DNAH9: variants seen among roughly 807,000 people sequenced by gnomAD.
The protein encoded by DNAH9 is dynein axonemal heavy chain 9.
In DNAH9, 345 loss-of-function variants were observed where a neutral mutation model predicts 471.6. The ratio of observed to expected loss-of-function variants is 0.73; its 90% CI spans 0.67 to 0.80. The LOEUF (loss-of-function observed/expected upper bound fraction) is 0.80. Among genes scored for constraint, DNAH9 ranks in the 30% least tolerant of loss-of-function variants. The pLI, the probability that DNAH9 is intolerant of heterozygous loss-of-function variation, is 0.00. For synonymous variants in DNAH9, 2,093 were observed against 2,123.6 expected, an observed-to-expected ratio of 0.99 and a Z score of 0.40; for missense variants, 5,407 against 5,609.2, an observed-to-expected ratio of 0.96 and a Z score of 1.15.
In DNAH9 at chr17:11,762,766, T is replaced by G. The variant is rs537269711; in HGVS notation, c.6996-674T>G. Among the ~76,000 whole-genome samples the G allele has an allele frequency of 2.7e-3, 236 of 87,318 alleles. 8 individuals carry two copies. Among genetic ancestry groups the G allele is most frequent in the African/African-American group, 8.5e-3 (210 of 24,754 alleles). The allele number at this position is 87,318 out of a possible 152,430, so 57.3% of individuals were successfully genotyped here. A position where few individuals can be genotyped will look rare whatever the true frequency, so the allele number is the denominator to read the frequency against. ...ATTGCCTCTTTAGGTGCGTTTTTTT[T>G]TTTGTTTTTTTTTTTTTTTTTTTTT... On this transcript the variant is annotated intron_variant, in intron 35 of 68. Coordinates refer to ENST00000262442, the MANE Select transcript of DNAH9 (RefSeq NM_001372.4).
chr17:11,694,052 C>T lies in DNAH9; in HGVS notation c.4745+54C>T, dbSNP rs2074385816. The T allele has an allele frequency of 3.3e-5, 52 of 1,595,584 alleles. No homozygotes were observed. The South Asian group carries it at 5.6e-4, about 17-fold the overall frequency. ...AATAAGAAGGCATCATTTCCTTTTC[C>T]CCATCGTCTCTGAGACCAGTGGGCA... On this transcript the variant is annotated intron_variant, in intron 21 of 68. Coordinates refer to ENST00000262442, the MANE Select transcript of DNAH9 (RefSeq NM_001372.4).
In DNAH9 at chr17:11,615,075, A is replaced by G. The variant is rs187856197; in HGVS notation, c.905-2336A>G. On this transcript the variant is annotated intron_variant, in intron 4 of 68. Transcript: ENST00000262442. ...AGGGCTGCTATATGCATTGTTTTAA[A>G]CCTTGCACCCCCATTCTCCCAAGCA... 2.1e-3 allele frequency among the ~76,000 whole-genome samples: 315 copies of G among 152,196 alleles called. 2 individuals carry two copies. Among genetic ancestry groups the G allele is most frequent in the African/African-American group, 7.1e-3 (297 of 41,540 alleles).
chr17:11,737,550 T>G (rs1267407163), intron 28 of DNAH9, among the ~76,000 whole-genome samples: 1 of 152,208 alleles, frequency 6.6e-6, no homozygotes, highest in Non-Finnish European at 1.5e-5. Context: ...TGGGCTAGCC[T>G]GAAAGTGTGT....
At position 11,859,433 on chromosome 17, in the gene DNAH9, T is replaced by A. The variant is rs560412068; in HGVS notation, c.9933+5005T>A. On this transcript the variant is annotated intron_variant, in intron 50 of 68. Transcript: ENST00000262442. The stretch of plus-strand genomic sequence containing the variant: ...TCTCAAAAAAAAAAAAAAAAAAAAA[T>A]GCAGTTACTTTTGTGCCAATCTAAC... Among the ~76,000 whole-genome samples, 844 of 136,100 alleles carry A rather than the reference T, an allele frequency of 6.2e-3. 8 individuals are homozygous for A. Among genetic ancestry groups the A allele is most frequent in the African/African-American group, 0.021 (755 of 36,510 alleles). 89.3% of individuals were successfully genotyped at this position (136,100 alleles called of 152,430 possible). A position where few individuals can be genotyped will look rare whatever the true frequency, so the allele number is the denominator to read the frequency against.
At chr17:11,899,890 A>G (rs910907012) in intron 59 of DNAH9, among the ~76,000 whole-genome samples, 1 of 152,196 alleles carries the variant, frequency 6.6e-6, no homozygotes, top group African/African-American at 2.4e-5. Context: ...GCTAGGTCTA[A>G]GGCGTACAAA....
intron 35 of DNAH9, among the ~76,000 whole-genome samples, chr17:11,762,770 G>GTTTTTTTTTTTTTTTTTTTTT (rs563544881): frequency 7.7e-5 from 7 of 90,784 alleles, no homozygotes; most frequent in Non-Finnish European, 1.3e-4. Context: ...TTTTTTTTTT[G>GTTTTTTTTTTTTTTTTTTTTT]TTTTTTTTTT....
intron 44 of DNAH9, among the ~76,000 whole-genome samples, chr17:11,808,235 G>T (rs1254428582): frequency 6.6e-6 from 1 of 152,164 alleles, no homozygotes; most frequent in Non-Finnish European, 1.5e-5. Context: ...AGGTCTGCTT[G>T]AGTTTCCTAA....
intron 11 of DNAH9, among the ~76,000 whole-genome samples, chr17:11,646,790 G>C (rs1001994661): frequency 6.6e-6 from 1 of 152,198 alleles, no homozygotes; most frequent in Non-Finnish European, 1.5e-5. Context: ...GCACATGCCT[G>C]TAATCCCAGC....
chr17:11,612,038 A>G, intron 4 of DNAH9: 1 of 600,836 alleles, frequency 1.7e-6, no homozygotes, highest in Non-Finnish European at 3.0e-6. Flanking sequence ...TGTGTTGGTT[A>G]TGGGGCATAC....
chr17:11,653,229 CATTTA>C (rs1567693666), intron 14 of DNAH9, among the ~76,000 whole-genome samples: 1 of 152,204 alleles, frequency 6.6e-6, no homozygotes, highest in African/African-American at 2.4e-5. Flanking sequence ...ATGGTGACAA[CATTTA>C]ATTGTCACAT....
At chr17:11,703,486 A>G (rs2150775948) in intron 24 of DNAH9, among the ~76,000 whole-genome samples, 1 of 152,292 alleles carries the variant, frequency 6.6e-6, no homozygotes, top group East Asian at 1.9e-4. Context: ...TGTCCCCCAA[A>G]CCAAATGATA....
In DNAH9 at chr17:11,859,973, T is replaced by G. The variant is rs569028862; in HGVS notation, c.9933+5545T>G. 6.6e-5 allele frequency among the ~76,000 whole-genome samples: 10 copies of G among 152,310 alleles called. No homozygotes were observed. In the East Asian group the frequency reaches 1.9e-3, roughly 29 times the overall value. ...TGACACTCTTACCCCTGCCTTCAGC[T>G]CCCTTCCTTCTACTTCCCAACTTTT... On this transcript the variant is annotated intron_variant, in intron 50 of 68. Transcript: ENST00000262442.
chr17:11,912,559 G>T (rs1038895370), intron 61 of DNAH9, among the ~76,000 whole-genome samples: 1 of 152,050 alleles, frequency 6.6e-6, no homozygotes, highest in Admixed American at 6.6e-5. Context: ...TGCATATATT[G>T]TAGTAATAAG....
At chr17:11,720,679 A>G (rs2075041120) in intron 27 of DNAH9, among the ~76,000 whole-genome samples, 1 of 152,182 alleles carries the variant, frequency 6.6e-6, no homozygotes, top group Non-Finnish European at 1.5e-5. Flanking sequence ...GCACTCTGTA[A>G]ATGAGATTCA....
Position 11,797,716 on chromosome 17 carries a change from G to C in DNAH9, c.8343G>C (p.Leu2781=), listed in dbSNP as rs372094295. The part of the protein sequence containing the change: ...VQSWELLTQT[L]VEALENHNEV... ...CTTGGGAACTTTTGACCCAGACTCTGGTGGAGGCCTTGGAGAACCACAATG... is the reference window on the plus strand; with the variant it reads ...CTTGGGAACTTTTGACCCAGACTCTCGTGGAGGCCTTGGAGAACCACAATG... The change falls in exon 43 of 69, where the codon CTG becomes CTC. Residue 2781 remains leucine (L), a synonymous_variant. Transcript: ENST00000262442. The C allele has an allele frequency of 1.6e-5, 26 of 1,614,090 alleles. No individual in the cohort carries two copies. Among genetic ancestry groups the C allele is most frequent in the Non-Finnish European group, 2.0e-5 (24 of 1,180,048 alleles).
At chr17:11,645,315 G>T (rs995135200) in intron 11 of DNAH9, among the ~76,000 whole-genome samples, 1 of 152,090 alleles carries the variant, frequency 6.6e-6, no homozygotes, top group African/African-American at 2.4e-5. Context: ...CCTCTACCTG[G>T]CAAGTAACAC....
chr17:11,939,904 G>C (rs1375993814), intron 66 of DNAH9, among the ~76,000 whole-genome samples: 2 of 151,746 alleles, frequency 1.3e-5, no homozygotes, highest in Non-Finnish European at 2.9e-5. Context: ...GGATGGATGG[G>C]TGATGGGTAG....
intron 35 of DNAH9, among the ~76,000 whole-genome samples, chr17:11,762,770 G>GTTTTTGTTTTTTTTTTTT (rs1967747976): frequency 1.1e-5 from 1 of 90,744 alleles, no homozygotes; most frequent in East Asian, 3.3e-4. Flanking sequence ...TTTTTTTTTT[G>GTTTTTGTTTTTTTTTTTT]TTTTTTTTTT....
intron 60 of DNAH9, among the ~76,000 whole-genome samples, chr17:11,905,368 G>A (rs961435212): frequency 3.9e-5 from 6 of 152,216 alleles, no homozygotes; most frequent in Non-Finnish European, 5.9e-5. Context: ...ACAGTGTCCT[G>A]ATTGGTGGGG....
Sources: gnomAD v4.1 joint callset for allele counts (sites outside exome capture counted in the v4.1 genomes callset) on GRCh38, gnomAD v4.1.1 for gene constraint, MANE v1.5 for transcripts, NCBI Gene and HGNC (gene_info 2026-07-23, HGNC 2026-07-21) for gene names.